SMARCC1: variants seen among roughly 807,000 people sequenced by gnomAD.
SMARCC1 encodes SWI/SNF related BAF chromatin remodeling complex subunit C1.
A neutral mutation model predicts 147.4 loss-of-function variants in SMARCC1; 43 were observed. That is an observed-to-expected ratio of 0.29 (90% confidence interval 0.23 to 0.38). The LOEUF (loss-of-function observed/expected upper bound fraction) is 0.38, where lower values mean the gene tolerates loss of function less well. Ranked by LOEUF, SMARCC1 falls within the 10% of genes least tolerant of loss-of-function variation. SMARCC1 has a pLI of 1.00. For missense variants in SMARCC1, 1,119 were observed against 1,381.1 expected, an observed-to-expected ratio of 0.81 and a Z score of 3.01; for synonymous variants, 495 against 484.4, an observed-to-expected ratio of 1.02 and a Z score of -0.29.
At chr3:47,770,948 G>A (rs1209872802) in intron 2 of SMARCC1, among the ~76,000 whole-genome samples, 1 of 152,070 alleles carries the variant, frequency 6.6e-6, no homozygotes, top group African/African-American at 2.4e-5. Flanking sequence ...GTCTCACTCT[G>A]TCGCCCAGGC....
rs1436667181 is a variant in SMARCC1 at position 47,587,838 on chromosome 3, A to T, written c.*371T>A. On this transcript the variant is annotated 3_prime_UTR_variant, in exon 28 of 28. Transcript: ENST00000254480. Reference sequence around the variant, plus strand: ...AGATAATGATTATATAGCATTATCCATAGAAGCATAAGACAAAGCAAAAAA... The same window carrying T: ...AGATAATGATTATATAGCATTATCCTTAGAAGCATAAGACAAAGCAAAAAA... The T allele has an allele frequency of 2.3e-5, 5 of 218,988 alleles. No homozygotes were observed. Among genetic ancestry groups the T allele is most frequent in the African/African-American group, 4.7e-5 (2 of 42,478 alleles). 13.6% of individuals were successfully genotyped at this position (218,988 alleles called of 1,614,324 possible).
At chr3:47,773,400 T>C (rs2034938803) in intron 1 of SMARCC1, among the ~76,000 whole-genome samples, 1 of 146,712 alleles carries the variant, frequency 6.8e-6, no homozygotes, top group African/African-American at 2.5e-5. Context: ...AAGATAAATC[T>C]CCTGTGTTTT....
chr3:47,675,834 A>T (rs56133371), intron 17 of SMARCC1, among the ~76,000 whole-genome samples: 1,813 of 151,864 alleles, frequency 0.012, 19 homozygotes, highest in Non-Finnish European at 0.019. Context: ...AATCTCAGCT[A>T]CTCAGGAGGC....
chr3:47,628,582 T>C (rs2106693284), intron 24 of SMARCC1, among the ~76,000 whole-genome samples: 1 of 152,296 alleles, frequency 6.6e-6, no homozygotes, highest in East Asian at 1.9e-4. Context: ...CGGGAATTAC[T>C]TTTTTTCTTG....
chr3:47,606,128 C>G (rs1290947862), intron 26 of SMARCC1, among the ~76,000 whole-genome samples: 1 of 152,060 alleles, frequency 6.6e-6, no homozygotes, highest in Non-Finnish European at 1.5e-5. Context: ...TCATGCACTG[C>G]ACTCAATAAT....
At chr3:47,595,524 T>C (rs926914918) in intron 26 of SMARCC1, among the ~76,000 whole-genome samples, 1 of 126,718 alleles carries the variant, frequency 7.9e-6, no homozygotes, top group African/African-American at 2.9e-5. Context: ...TGAAATTCCG[T>C]CTCAAAATAA....
chr3:47,778,190 C>CAAA (rs762774696), intron 1 of SMARCC1, among the ~76,000 whole-genome samples: 1,240 of 53,120 alleles, frequency 0.023, 72 homozygotes, highest in African/African-American at 0.11. Context: ...GACTCCATCT[C>CAAA]AAAAAAAAAA....
chr3:47,602,394 A>T (rs550527386), intron 26 of SMARCC1, among the ~76,000 whole-genome samples: 7 of 152,188 alleles, frequency 4.6e-5, no homozygotes, highest in Non-Finnish European at 8.8e-5. Flanking sequence ...ACCTCCTGGG[A>T]TCAAGTGATC....
At chr3:47,777,824 A>G (rs2034993794) in intron 1 of SMARCC1, among the ~76,000 whole-genome samples, 1 of 151,854 alleles carries the variant, frequency 6.6e-6, no homozygotes, top group Non-Finnish European at 1.5e-5. Context: ...CACAGCCCCC[A>G]GTCTCAGTCC....
At chr3:47,679,796 A>G (rs1372786082) in intron 15 of SMARCC1, among the ~76,000 whole-genome samples, 1 of 146,662 alleles carries the variant, frequency 6.8e-6, no homozygotes, top group African/African-American at 2.5e-5. Context: ...CAGGAGGCAG[A>G]GGCTGCAGTT....
intron 21 of SMARCC1, among the ~76,000 whole-genome samples, chr3:47,653,912 T>C (rs2033225283): frequency 6.6e-6 from 1 of 152,238 alleles, no homozygotes; most frequent in Admixed American, 6.5e-5. Context: ...TAGTCTCATG[T>C]GCCTCCTGTA....
At position 47,706,449 on chromosome 3, in the gene SMARCC1, G is replaced by C. The variant is rs779560910; in HGVS notation, c.1000C>G (p.Pro334Ala). The C allele has an allele frequency of 1.3e-6, 2 of 1,579,986 alleles. No individual in the cohort carries two copies. Among genetic ancestry groups the C allele is most frequent in the Non-Finnish European group, 1.7e-6 (2 of 1,167,164 alleles). ...TTCTTCCGTGATTCTGTTGGTGTCGGAGGGGGAGGCGAAGGCGAATGTTTC... is the reference window on the plus strand; with the variant it reads ...TTCTTCCGTGATTCTGTTGGTGTCGCAGGGGGAGGCGAAGGCGAATGTTTC... The part of the protein sequence containing the change: ...KRKHSPSPPP[P>A]TPTESRKKSG... Residue 334 changes from proline (P) to alanine (A), a missense_variant, in exon 10 of 28, where the codon CCG becomes GCG. Physicochemically the swap from Pro to Ala is conservative, Grantham distance 27. This residue lies in a region of SMARCC1 where 542 missense variants were observed against 611.8 expected (regional missense o/e 0.89). Transcript: ENST00000254480.
At chr3:47,643,125 T>C (rs969162940) in intron 21 of SMARCC1, among the ~76,000 whole-genome samples, 2 of 151,950 alleles carry the variant, frequency 1.3e-5, no homozygotes, top group African/African-American at 4.8e-5. Flanking sequence ...AAATAAGGAG[T>C]TGAGCAAGAA....
intron 26 of SMARCC1, 137 bp downstream of exon 26, chr3:47,609,929 C>T: frequency 3.3e-6 from 3 of 905,700 alleles, no homozygotes; most frequent in East Asian, 5.0e-5. Flanking sequence ...ATCTCACATG[C>T]CTACAATTTT....
intron 7 of SMARCC1, among the ~76,000 whole-genome samples, chr3:47,719,317 T>A (rs1384642396): frequency 6.6e-6 from 1 of 152,214 alleles, no homozygotes; most frequent in Admixed American, 6.5e-5. Flanking sequence ...ACAACAGTAC[T>A]AGGCAAATAA....
At chr3:47,753,603 A>G (rs1453017550) in intron 2 of SMARCC1, among the ~76,000 whole-genome samples, 1 of 148,172 alleles carries the variant, frequency 6.7e-6, no homozygotes, top group African/African-American at 2.5e-5. Flanking sequence ...AATCCCAGCT[A>G]CTCGAGAGGC....
chr3:47,693,417 T>C (rs2033813672), intron 11 of SMARCC1, 117 bp from the exon 12 acceptor site: 1 of 632,586 alleles, frequency 1.6e-6, no homozygotes, highest in Non-Finnish European at 2.8e-6. Context: ...TGCAACACCA[T>C]TCAATACACT....
intron 19 of SMARCC1, chr3:47,663,701 A>T (rs1034906962): frequency 6.7e-6 from 10 of 1,489,884 alleles, no homozygotes; most frequent in African/African-American, 1.4e-5. Context: ...CACTGTTTAC[A>T]GGAATCCAGA....
intron 2 of SMARCC1, 67 bp from the exon 3 acceptor site, chr3:47,746,060 C>T: frequency 1.0e-6 from 1 of 998,066 alleles, no homozygotes; most frequent in Non-Finnish European, 1.5e-6. Flanking sequence ...TGTCTTAATT[C>T]TAAGTTTTAT....
Sources: allele counts gnomAD v4.1 joint callset (sites outside exome capture counted in the v4.1 genomes callset), GRCh38; gene constraint gnomAD v4.1.1; regional missense constraint gnomAD v4.1.1; transcripts MANE v1.5; gene names NCBI Gene and HGNC (gene_info 2026-07-23, HGNC 2026-07-21).